CMSS1: variants seen among roughly 807,000 people sequenced by gnomAD.
CMSS1 encodes the protein protein CMSS1.
A neutral mutation model predicts 43.5 loss-of-function variants in CMSS1; 33 were observed. The ratio of observed to expected loss-of-function variants is 0.76; its 90% CI spans 0.57 to 1.01. The LOEUF is 1.01. Ranked by LOEUF, CMSS1 falls within the 50% of genes least tolerant of loss-of-function variation. CMSS1 has a pLI of 0.00. For synonymous variants in CMSS1, 115 were observed against 117.2 expected (o/e 0.98, Z 0.12); for missense variants, 313 against 326.4 (o/e 0.96, Z 0.32).
intron 1 of CMSS1, among the ~76,000 whole-genome samples, chr3:100,000,293 C>T (rs560484183): frequency 6.6e-6 from 1 of 152,326 alleles, no homozygotes; most frequent in South Asian, 2.1e-4. Flanking sequence ...CCTCTATCAC[C>T]TTGTCCCTCA....
At chr3:100,046,948 T>C (rs2065287464) in intron 1 of CMSS1, among the ~76,000 whole-genome samples, 2 of 152,134 alleles carry the variant, frequency 1.3e-5, no homozygotes, top group Admixed American at 1.3e-4. Context: ...AAAAAATATT[T>C]CCTCCTAAAT....
rs11537817 is a variant in CMSS1, at chr3:100,166,392, A to G, written c.413A>G (p.Glu138Gly). 32,869 of 1,566,056 alleles carry G rather than the reference A, an allele frequency of 0.021. 480 individuals are homozygous for G. Among genetic ancestry groups the G allele is most frequent in the Non-Finnish European group, 0.026 (29,380 of 1,137,092 alleles). Residue 138 changes from glutamate to glycine, a missense_variant and splice_region_variant, in exon 5 of 10, where the codon GAA (glutamate) becomes GGA (glycine). Transcript: ENST00000421999. ...CACAGTCTTTCCTCATACCTAAAAG[A>G]AAGTAAGTAAACTCTGATTTTAATC... ...LTHSLSSYLKEICPKWVKLRK... is the reference protein window; with the variant it reads ...LTHSLSSYLKGICPKWVKLRK...
At chr3:100,010,224 T>C (rs1710103605) in intron 1 of CMSS1, 11 of 641,096 alleles carry the variant, frequency 1.7e-5, no homozygotes, top group Non-Finnish European at 2.1e-5. Flanking sequence ...ACTGTCATTT[T>C]TGTGATTTCT....
intron 9 of CMSS1, 21 bp from the exon 10 acceptor site, chr3:100,178,284 C>T (rs528730655): frequency 2.0e-6 from 3 of 1,509,502 alleles, no homozygotes; most frequent in Admixed American, 1.7e-5. Flanking sequence ...ATCTTTTTTT[C>T]CCCCCTTTTC....
At chr3:100,140,597 T>C (rs1351804728) in intron 1 of CMSS1, among the ~76,000 whole-genome samples, 3 of 152,138 alleles carry the variant, frequency 2.0e-5, no homozygotes, top group Non-Finnish European at 4.4e-5. Flanking sequence ...AGGGATTCTC[T>C]TGCCTCAGCC....
At chr3:100,103,857 C>T (rs1344682521) in intron 1 of CMSS1, among the ~76,000 whole-genome samples, 1 of 152,176 alleles carries the variant, frequency 6.6e-6, no homozygotes, top group East Asian at 1.9e-4. Flanking sequence ...TGTGTGTTGG[C>T]AGCATTATCA....
At chr3:99,896,595 T>G (rs1490146044) in intron 1 of CMSS1, among the ~76,000 whole-genome samples, 1 of 152,168 alleles carries the variant, frequency 6.6e-6, no homozygotes, top group African/African-American at 2.4e-5. Flanking sequence ...AGGAAGTAGT[T>G]AACAACAACT....
At chr3:100,043,552 C>G (rs1052822009) in intron 1 of CMSS1, among the ~76,000 whole-genome samples, 7 of 152,136 alleles carry the variant, frequency 4.6e-5, no homozygotes, top group Non-Finnish European at 1.0e-4. Flanking sequence ...ACCATACTCC[C>G]AGACTTTATT....
At chr3:99,942,817 T>C (rs137975979) in intron 1 of CMSS1, among the ~76,000 whole-genome samples, 1,750 of 150,984 alleles carry the variant, frequency 0.012, 18 homozygotes, top group African/African-American at 0.026. Context: ...CGACAGAGTG[T>C]GACTCTGTCT....
chr3:100,023,288 C>G (rs1353302257), intron 1 of CMSS1: 1 of 152,600 alleles, frequency 6.6e-6, no homozygotes, highest in Non-Finnish European at 1.5e-5. Flanking sequence ...TGTCAAAATG[C>G]TATGACAACT....
chr3:100,109,029 T>C (rs952713570), intron 1 of CMSS1, among the ~76,000 whole-genome samples: 3 of 151,556 alleles, frequency 2.0e-5, no homozygotes, highest in African/African-American at 7.3e-5. Flanking sequence ...GTCGGTATTA[T>C]ACAAGAACAG....
intron 1 of CMSS1, among the ~76,000 whole-genome samples, chr3:100,135,237 T>A (rs947326904): frequency 6.6e-6 from 1 of 152,178 alleles, no homozygotes; most frequent in Non-Finnish European, 1.5e-5. Context: ...TTCATTTAAC[T>A]GTAAAAGTTG....
chr3:100,099,232 T>C (rs879780216), intron 1 of CMSS1, among the ~76,000 whole-genome samples: 5 of 152,184 alleles, frequency 3.3e-5, no homozygotes, highest in African/African-American at 7.2e-5. Context: ...ATATTTATCA[T>C]CTTAGTACGC....
intron 1 of CMSS1, among the ~76,000 whole-genome samples, chr3:100,133,830 T>G (rs1473016118): frequency 6.6e-6 from 1 of 152,228 alleles, no homozygotes; most frequent in Non-Finnish European, 1.5e-5. Flanking sequence ...TGTCCTAAGC[T>G]ATACCCAAAA....
At chr3:100,150,989 CTTTG>C (rs2066902706) in intron 2 of CMSS1, among the ~76,000 whole-genome samples, 1 of 152,146 alleles carries the variant, frequency 6.6e-6, no homozygotes, top group Non-Finnish European at 1.5e-5. Context: ...TTCTGCTGGC[CTTTG>C]TTTATCTCCT....
intron 1 of CMSS1, among the ~76,000 whole-genome samples, chr3:99,915,906 G>T (rs559241852): frequency 2.0e-5 from 3 of 152,184 alleles, no homozygotes; most frequent in Non-Finnish European, 4.4e-5. Flanking sequence ...CCAGTATAGG[G>T]TCTACATAAA....
chr3:100,068,361 T>A (rs1461894131), intron 1 of CMSS1, among the ~76,000 whole-genome samples: 1 of 151,888 alleles, frequency 6.6e-6, no homozygotes, highest in African/African-American at 2.4e-5. Flanking sequence ...TGTGTGTGTG[T>A]GTGTGTGTGT....
intron 1 of CMSS1, among the ~76,000 whole-genome samples, chr3:100,021,960 T>TGTGTGAGAGA (rs1321185364): frequency 3.0e-4 from 28 of 93,312 alleles, no homozygotes; most frequent in East Asian, 7.0e-4. Context: ...TGTGTGTGTG[T>TGTGTGAGAGA]GAGAGAGAGA....
At chr3:100,149,615 T>C (rs1198436131) in intron 2 of CMSS1, among the ~76,000 whole-genome samples, 2 of 152,190 alleles carry the variant, frequency 1.3e-5, no homozygotes, top group East Asian at 1.9e-4. Flanking sequence ...CAGAGAAATA[T>C]CATTTTTTTC....
Sources: allele counts gnomAD v4.1 joint callset (sites outside exome capture counted in the v4.1 genomes callset), GRCh38; gene constraint gnomAD v4.1.1; transcripts MANE v1.5; gene names NCBI Gene and HGNC (gene_info 2026-07-23, HGNC 2026-07-21).